Variants in WASF2 observed in about 807,000 individuals in gnomAD.
The protein encoded by WASF2 is WASP family member 2.
A neutral mutation model predicts 45.0 loss-of-function variants in WASF2; 14 were observed. The ratio of observed to expected loss-of-function variants is 0.31; its 90% CI spans 0.21 to 0.49. The LOEUF is 0.49. Ranked by LOEUF, WASF2 falls within the 20% of genes least tolerant of loss-of-function variation. The pLI is 0.99. For synonymous variants in WASF2, 200 were observed against 236.3 expected (o/e 0.85, Z 1.41); for missense variants, 439 against 636.1 (o/e 0.69, Z 3.33).
intron 1 of WASF2, among the ~76,000 whole-genome samples, chr1:27,473,296 T>C (rs1268156722): frequency 6.6e-6 from 1 of 151,234 alleles, no homozygotes; most frequent in Non-Finnish European, 1.5e-5. Context: ...CTGGCTAACA[T>C]GGTGAAACCC....
At chr1:27,467,580 C>T (rs569698628) in intron 1 of WASF2, among the ~76,000 whole-genome samples, 2 of 150,960 alleles carry the variant, frequency 1.3e-5, no homozygotes, top group East Asian at 4.0e-4. Context: ...GGATTACAGG[C>T]GTGAGCCACC....
rs528887933 is a variant in WASF2 at position 27,462,004 on chromosome 1, G to A, written c.-44+27982C>T. Among the ~76,000 whole-genome samples, 6 of 143,820 alleles carry A rather than the reference G, an allele frequency of 4.2e-5. No individual in the cohort carries two copies. In the East Asian group the frequency reaches 1.3e-3, roughly 30 times the overall value. 94.4% of individuals were successfully genotyped at this position (143,820 alleles called of 152,430 possible). A position where few individuals can be genotyped will look rare whatever the true frequency, so the allele number is the denominator to read the frequency against. Reference sequence around the variant, plus strand: ...TTTTTTTTTTTTTTTTTGAGATGGAGTCTCGCTCTGTCACCCAGGCTGGAG... The same window carrying A: ...TTTTTTTTTTTTTTTTTGAGATGGAATCTCGCTCTGTCACCCAGGCTGGAG... On this transcript the variant is annotated intron_variant, in intron 1 of 8. Transcript: ENST00000618852.
intron 1 of WASF2, among the ~76,000 whole-genome samples, chr1:27,487,628 CAATATAT>C (rs2017957933): frequency 1.5e-5 from 1 of 65,088 alleles, no homozygotes; most frequent in African/African-American, 7.2e-5. Context: ...ATATTTTATA[CAATATAT>C]AATATATATT....
chr1:27,450,764 G>A (rs1557610651), intron 1 of WASF2, among the ~76,000 whole-genome samples: 1 of 151,964 alleles, frequency 6.6e-6, no homozygotes, highest in Non-Finnish European at 1.5e-5. Flanking sequence ...CTCCCAAAGT[G>A]CTGGGATTAC....
chr1:27,443,741 A>T (rs1243636666), intron 1 of WASF2, among the ~76,000 whole-genome samples: 1 of 152,128 alleles, frequency 6.6e-6, no homozygotes, highest in Non-Finnish European at 1.5e-5. Flanking sequence ...CCTCATCCAT[A>T]AAATAGGGAA....
chr1:27,407,103 C>T lies in WASF2; in HGVS notation c.*1086G>A, dbSNP rs2016688436. The T allele has an allele frequency of 6.6e-6, 1 of 152,254 alleles. No homozygotes were observed. The highest frequency in any genetic ancestry group is 1.5e-5 in the Non-Finnish European group (1 of 68,060). The allele number at this position is 152,254 out of a possible 1,614,324, so 9.4% of individuals were successfully genotyped here. A position where few individuals can be genotyped will look rare whatever the true frequency, so the allele number is the denominator to read the frequency against. On this transcript the variant is annotated 3_prime_UTR_variant, in exon 9 of 9. Transcript: ENST00000618852. ...AGCACCGACAGGGCTGGCACAGACC[C>T]TGAGCCTTCCTACTGGGACCCCAAC...
chr1:27,414,354 C>T lies in WASF2; in HGVS notation c.668+479G>A, dbSNP rs2016801463. 6.6e-6 allele frequency among the ~76,000 whole-genome samples: 1 copy of T among 152,200 alleles called. No individual in the cohort carries two copies. The highest frequency in any genetic ancestry group is 2.4e-5 in the African/African-American group (1 of 41,438). ...ACTGTCTATGAGGTCTGCATTCAGT[C>T]CCTTGGCTAGCTTCTCTCCCATGAC... On this transcript the variant is annotated intron_variant, in intron 6 of 8. Coordinates refer to ENST00000618852, the MANE Select transcript of WASF2 (RefSeq NM_006990.5). The surrounding 1 kb of genome is among the most constrained non-coding windows in gnomAD (Gnocchi z 4.1).
intron 1 of WASF2, among the ~76,000 whole-genome samples, chr1:27,488,390 T>C (rs1376417474): frequency 1.3e-5 from 2 of 152,140 alleles, no homozygotes; most frequent in Non-Finnish European, 2.9e-5. Flanking sequence ...CTATTGAACC[T>C]TTCACCCAAG....
rs1341447308 is a variant in WASF2, at chr1:27,409,722, G to A, written c.1309C>T (p.Arg437Cys). 10 of 1,507,264 alleles carry A rather than the reference G, an allele frequency of 6.6e-6. No homozygotes were observed. The highest frequency in any genetic ancestry group is 1.4e-5 in the African/African-American group (1 of 71,516). 93.4% of individuals were successfully genotyped at this position (1,507,264 alleles called of 1,614,324 possible). The part of the protein sequence containing the change: ...KSSLPAVSDA[R>C]SDLLSAIRQG... Reference sequence around the variant, plus strand: ...CGGATGGCTGAAAGCAGGTCGCTACGGGCATCGCTCACGGCAGGCAAGGAG... The same window carrying A: ...CGGATGGCTGAAAGCAGGTCGCTACAGGCATCGCTCACGGCAGGCAAGGAG... The change falls in exon 8 of 9, where the codon CGT becomes TGT. Residue 437 changes from arginine to cysteine, a missense_variant. By Grantham distance (180) the Arg-to-Cys change is radical (BLOSUM62 -3). This residue lies in a region of WASF2 where 286 missense variants were observed against 373.5 expected (regional missense o/e 0.77). Coordinates refer to ENST00000618852, the MANE Select transcript of WASF2 (RefSeq NM_006990.5).
At chr1:27,459,042 C>T (rs1422887186) in intron 1 of WASF2, among the ~76,000 whole-genome samples, 1 of 151,738 alleles carries the variant, frequency 6.6e-6, no homozygotes, top group Non-Finnish European at 1.5e-5. Context: ...AGGGGAATCA[C>T]TTCAACCCAG....
chr1:27,423,449 T>C (rs1179159733), intron 2 of WASF2, among the ~76,000 whole-genome samples: 1 of 152,218 alleles, frequency 6.6e-6, no homozygotes, highest in Non-Finnish European at 1.5e-5. Context: ...CCTCAAGTGC[T>C]GGGATTACAG....
chr1:27,440,140 T>G (rs2017189845), intron 1 of WASF2, among the ~76,000 whole-genome samples: 1 of 152,210 alleles, frequency 6.6e-6, no homozygotes, highest in Non-Finnish European at 1.5e-5. Context: ...ACCACTAGTA[T>G]TTATGGAAAA....
At position 27,422,320 on chromosome 1, in the gene WASF2, T is replaced by C. The variant is rs1212878513; in HGVS notation, c.131-3232A>G. 3.9e-5 allele frequency among the ~76,000 whole-genome samples: 6 copies of C among 152,160 alleles called. No homozygotes were observed. The East Asian group carries it at 9.7e-4, about 25-fold the overall frequency. On this transcript the variant is annotated intron_variant, in intron 2 of 8. Transcript: ENST00000618852. ...CTGAGACATGGAAGGAGCAGTTGAC[T>C]TCAAACCAGAAAATCTGGGCTGGGC... is the stretch of plus-strand genomic sequence containing the variant.
chr1:27,443,090 G>C (rs928864401), intron 1 of WASF2, among the ~76,000 whole-genome samples: 1 of 151,534 alleles, frequency 6.6e-6, no homozygotes, highest in Non-Finnish European at 1.5e-5. Context: ...CCTGAGCCCA[G>C]GAAGTCGAGC....
At chr1:27,409,155 T>C (rs2016721484) in intron 8 of WASF2, among the ~76,000 whole-genome samples, 1 of 151,956 alleles carries the variant, frequency 6.6e-6, no homozygotes, top group Non-Finnish European at 1.5e-5. Flanking sequence ...CCGGGCGCGG[T>C]GGCTCACGCC....
rs144042107 is a variant in WASF2 at position 27,412,613 on chromosome 1, G to C, written c.783C>G (p.Ser261=). The C allele has an allele frequency of 1.9e-6, 3 of 1,614,096 alleles. No individual in the cohort carries two copies. The African/African-American group carries it at 4.0e-5, about 22-fold the overall frequency. ...GAGGAGGCAAGTTGTCCTCGGAGAA[G>C]GAAGGAGAAGGTGAAGAAGCAGAGT... ...QSDSASSPSP[S]FSEDNLPPPP... Residue 261 remains serine, a synonymous_variant, in exon 7 of 9, where the codon TCC becomes TCG. Transcript: ENST00000618852.
chr1:27,447,927 CCATG>C (rs1400504840), intron 1 of WASF2, among the ~76,000 whole-genome samples: 1 of 152,128 alleles, frequency 6.6e-6, no homozygotes, highest in African/African-American at 2.4e-5. Flanking sequence ...TTGCCATGTT[CCATG>C]CTTTAAAGGG....
chr1:27,443,189 A>G (rs1406011641), intron 1 of WASF2, among the ~76,000 whole-genome samples: 1 of 150,864 alleles, frequency 6.6e-6, no homozygotes, highest in Non-Finnish European at 1.5e-5. Flanking sequence ...ATAAAAAATT[A>G]GCCAAGTGTG....
intron 1 of WASF2, among the ~76,000 whole-genome samples, chr1:27,439,175 G>C (rs2017175325): frequency 6.6e-6 from 1 of 152,174 alleles, no homozygotes; most frequent in East Asian, 1.9e-4. Context: ...CAGTCTCTCA[G>C]TCTATTTCCT....
Sources: gnomAD v4.1 joint callset for allele counts (sites outside exome capture counted in the v4.1 genomes callset) on GRCh38, gnomAD v4.1.1 for gene constraint, gnomAD v4.1.1 regional missense constraint, Gnocchi (gnomAD v3.1) non-coding constraint, MANE v1.5 for transcripts, NCBI Gene and HGNC (gene_info 2026-07-23, HGNC 2026-07-21) for gene names.